RAMP1: variants seen among roughly 807,000 people sequenced by gnomAD.
RAMP1 encodes the protein receptor activity-modifying protein 1.
A neutral mutation model predicts 8.2 loss-of-function variants in RAMP1; 7 were observed. The observed-to-expected ratio is 0.85, with a 90% confidence interval of 0.49 to 1.60. RAMP1 has a LOEUF of 1.60. Ranked by LOEUF, RAMP1 falls within the 40% of genes most tolerant of loss-of-function variation. The pLI, the probability that RAMP1 is intolerant of heterozygous loss-of-function variation, is 0.00. For synonymous variants in RAMP1, 92 were observed against 84.7 expected (o/e 1.09, Z -0.47); for missense variants, 192 against 202.4 (o/e 0.95, Z 0.31).
At chr2:237,881,198 T>G (rs929468270) in intron 2 of RAMP1, among the ~76,000 whole-genome samples, 1 of 152,214 alleles carries the variant, frequency 6.6e-6, no homozygotes, top group Non-Finnish European at 1.5e-5. Context: ...TTTCTTCACT[T>G]AACAACATAA....
rs754345495 is a variant in RAMP1, at chr2:237,911,559, C to T, written c.223C>T (p.His75Tyr). 2.5e-6 allele frequency: 4 copies of T among 1,614,122 alleles called. No individual in the cohort carries two copies. The East Asian group carries it at 8.9e-5, about 36-fold the overall frequency. ...SYRELADCTWHMAEKLGCFWP... is the reference protein window; with the variant it reads ...SYRELADCTWYMAEKLGCFWP... Reference sequence around the variant, plus strand: ...CAGGGAGCTGGCCGACTGCACCTGGCACATGGCGGAGAAGCTGGGCTGCTT... The same window carrying T: ...CAGGGAGCTGGCCGACTGCACCTGGTACATGGCGGAGAAGCTGGGCTGCTT... Residue 75 changes from histidine to tyrosine, a missense_variant, in exon 3 of 3, where the codon CAC becomes TAC. Physicochemically the swap from His to Tyr is moderately conservative, Grantham distance 83. Coordinates refer to ENST00000254661, the MANE Select transcript of RAMP1 (RefSeq NM_005855.4).
At chr2:237,882,692 C>G (rs1294032041) in intron 2 of RAMP1, among the ~76,000 whole-genome samples, 1 of 152,202 alleles carries the variant, frequency 6.6e-6, no homozygotes, top group African/African-American at 2.4e-5. Flanking sequence ...CCAAGGGTCT[C>G]CAGTAGCAGC....
At chr2:237,891,440 G>A (rs1173464833) in intron 2 of RAMP1, among the ~76,000 whole-genome samples, 2 of 152,174 alleles carry the variant, frequency 1.3e-5, no homozygotes, top group Admixed American at 6.5e-5. Context: ...GTGAGCCACC[G>A]CGCCCAGCCC....
chr2:237,878,321 T>A lies in RAMP1; in HGVS notation c.191+959T>A, dbSNP rs1484200776. 6.6e-6 allele frequency among the ~76,000 whole-genome samples: 1 copy of A among 151,752 alleles called. No homozygotes were observed. The highest frequency in any genetic ancestry group is 1.9e-4 in the East Asian group (1 of 5,166). ...GGCAGGGAGGAGGGCCTCGGGAGGG[T>A]CTTCACGGAGGAAAGGTTGCACCAA... On this transcript the variant is annotated intron_variant, in intron 2 of 2. Transcript: ENST00000254661. This position sits in a 1 kb window ranked among gnomAD's most constrained non-coding sequence, Gnocchi z 5.7.
At chr2:237,901,630 A>G (rs2062597029) in intron 2 of RAMP1, among the ~76,000 whole-genome samples, 1 of 152,104 alleles carries the variant, frequency 6.6e-6, no homozygotes, top group South Asian at 2.1e-4. Context: ...CCCACACAGA[A>G]GCTTCTGAAT....
chr2:237,871,593 G>A (rs775121751), intron 1 of RAMP1, among the ~76,000 whole-genome samples: 17 of 151,990 alleles, frequency 1.1e-4, no homozygotes, highest in African/African-American at 1.9e-4. Context: ...TTCCTCCACC[G>A]CCCCCCGACC....
Position 237,877,107 on chromosome 2 carries a change from G to A in RAMP1, c.53-117G>A. ...TGGAGCCACAGTCGCCCTCTCCAGG[G>A]GTTGCTTAGAGGCCCCGTTCTCGTG... On this transcript the variant is annotated intron_variant, in intron 1 of 2. Coordinates refer to ENST00000254661, the MANE Select transcript of RAMP1 (RefSeq NM_005855.4). The surrounding 1 kb of genome is among the most constrained non-coding windows in gnomAD (Gnocchi z 4.4). 7.6e-7 allele frequency: 1 copy of A among 1,311,692 alleles called. No individual in the cohort carries two copies. The highest frequency in any genetic ancestry group is 1.7e-5 in the Admixed American group (1 of 57,384). The allele number at this position is 1,311,692 out of a possible 1,614,324, so 81.3% of individuals were successfully genotyped here. A position where few individuals can be genotyped will look rare whatever the true frequency, so the allele number is the denominator to read the frequency against.
chr2:237,865,221 G>A lies in RAMP1; in HGVS notation c.52+5494G>A, dbSNP rs568567351. On this transcript the variant is annotated intron_variant, in intron 1 of 2. Transcript: ENST00000254661. The surrounding 1 kb of genome is among the most constrained non-coding windows in gnomAD (Gnocchi z 4.2). ...GCTGAGGAATGAAGAACAGCACCTGGCAGAGCTCCTGGGGGAGTAGGGAGG... is the reference window on the plus strand; with the variant it reads ...GCTGAGGAATGAAGAACAGCACCTGACAGAGCTCCTGGGGGAGTAGGGAGG... 3.3e-5 allele frequency among the ~76,000 whole-genome samples: 5 copies of A among 150,946 alleles called. No individual in the cohort carries two copies. The highest frequency in any genetic ancestry group is 1.2e-4 in the African/African-American group (5 of 41,046).
In RAMP1 at chr2:237,877,239, T is replaced by C. The variant is rs1205514579; in HGVS notation, c.68T>C (p.Met23Thr). The stretch of plus-strand genomic sequence containing the variant: ...TCTATTTCAGCCCATCACCTCTTCA[T>C]GACCACTGCCTGCCAGGAGGCTAAC... ...LWLLLAHHLF[M>T]TTACQEANYG... The change falls in exon 2 of 3, where the codon ATG becomes ACG. Residue 23 changes from methionine (M) to threonine (T), a missense_variant. Coordinates refer to ENST00000254661, the MANE Select transcript of RAMP1 (RefSeq NM_005855.4). The surrounding 1 kb of genome is among the most constrained non-coding windows in gnomAD (Gnocchi z 4.4). 1.9e-6 allele frequency: 3 copies of C among 1,614,000 alleles called. No individual in the cohort carries two copies. The highest frequency in any genetic ancestry group is 2.7e-5 in the African/African-American group (2 of 75,052).
intron 1 of RAMP1, among the ~76,000 whole-genome samples, chr2:237,875,248 G>C (rs753186480): frequency 6.6e-6 from 1 of 152,128 alleles, no homozygotes; most frequent in Admixed American, 6.5e-5. Flanking sequence ...CCCCCAGGGT[G>C]GGGGGTGCAT....
intron 2 of RAMP1, among the ~76,000 whole-genome samples, chr2:237,886,206 A>G (rs1360332346): frequency 6.6e-6 from 1 of 152,130 alleles, no homozygotes; most frequent in African/African-American, 2.4e-5. Context: ...GGCCCTGCCC[A>G]GGCCGCCCCA....
At position 237,859,924 on chromosome 2, in the gene RAMP1, C is replaced by T. The variant is rs550109100; in HGVS notation, c.52+197C>T. Reference sequence around the variant, plus strand: ...CCCAGGGCACAGGGGAGGCGGAGGGCGCGGACCGGTGTTGCGCTTCTCGCC... The same window carrying T: ...CCCAGGGCACAGGGGAGGCGGAGGGTGCGGACCGGTGTTGCGCTTCTCGCC... On this transcript the variant is annotated intron_variant, in intron 1 of 2. Transcript: ENST00000254661. 1.5e-3 allele frequency: 729 copies of T among 492,062 alleles called. 9 individuals are homozygous for T. The highest frequency in any genetic ancestry group is 0.012 in the South Asian group (343 of 28,396). 30.5% of individuals were successfully genotyped at this position (492,062 alleles called of 1,614,324 possible). A position where few individuals can be genotyped will look rare whatever the true frequency, so the allele number is the denominator to read the frequency against.
At position 237,863,306 on chromosome 2, in the gene RAMP1, C is replaced by T. The variant is rs540418514; in HGVS notation, c.52+3579C>T. 1.6e-4 allele frequency among the ~76,000 whole-genome samples: 24 copies of T among 152,276 alleles called. No homozygotes were observed. In the East Asian group the frequency reaches 4.1e-3, roughly 26 times the overall value. On this transcript the variant is annotated intron_variant, in intron 1 of 2. Coordinates refer to ENST00000254661, the MANE Select transcript of RAMP1 (RefSeq NM_005855.4). ...TTGGTGGCAAATGAAGAGGCAGAGA[C>T]GGTGCTGCCAGGGCACTGTTCAGTT...
intron 2 of RAMP1, among the ~76,000 whole-genome samples, chr2:237,880,968 GACAACTGGCA>G (rs1263569597): frequency 6.6e-6 from 1 of 152,198 alleles, no homozygotes; most frequent in Admixed American, 6.5e-5. Context: ...GGTGTGTTCA[GACAACTGGCA>G]TTGTCCCTCC....
At chr2:237,893,375 C>G (rs148458662) in intron 2 of RAMP1, among the ~76,000 whole-genome samples, 90 of 152,300 alleles carry the variant, frequency 5.9e-4, no homozygotes, top group African/African-American at 2.0e-3. Flanking sequence ...CCTGCAGAAG[C>G]TTTGGTGTGC....
At chr2:237,868,336 G>A (rs1475160552) in intron 1 of RAMP1, among the ~76,000 whole-genome samples, 3 of 152,162 alleles carry the variant, frequency 2.0e-5, no homozygotes, top group African/African-American at 7.2e-5. Context: ...GAGCCACTGT[G>A]CCTGGCTGGG....
Position 237,878,404 on chromosome 2 carries a change from G to A in RAMP1, c.191+1042G>A, listed in dbSNP as rs772467088. On this transcript the variant is annotated intron_variant, in intron 2 of 2. Coordinates refer to ENST00000254661, the MANE Select transcript of RAMP1 (RefSeq NM_005855.4). This position sits in a 1 kb window ranked among gnomAD's most constrained non-coding sequence, Gnocchi z 5.7. ...GTCCCCTGAGGGTCCAGACACACCC[G>A]GGCACAATTCTGTGGGGTTGAAGAC... Among the ~76,000 whole-genome samples the A allele has an allele frequency of 2.0e-5, 3 of 152,234 alleles. No homozygotes were observed. Among genetic ancestry groups the A allele is most frequent in the Non-Finnish European group, 2.9e-5 (2 of 68,030 alleles).
chr2:237,895,434 C>T (rs764438716), intron 2 of RAMP1, among the ~76,000 whole-genome samples: 1 of 152,182 alleles, frequency 6.6e-6, no homozygotes, highest in South Asian at 2.1e-4. Context: ...AAAACCCCCA[C>T]AGTGAACACC....
intron 2 of RAMP1, among the ~76,000 whole-genome samples, chr2:237,889,829 G>C (rs1286965467): frequency 6.6e-6 from 1 of 152,136 alleles, no homozygotes; most frequent in African/African-American, 2.4e-5. Context: ...GTCTCCCTAT[G>C]TTACCCAGGC....
Sources: gnomAD v4.1 joint callset for allele counts (sites outside exome capture counted in the v4.1 genomes callset) on GRCh38, gnomAD v4.1.1 for gene constraint, Gnocchi (gnomAD v3.1) non-coding constraint, MANE v1.5 for transcripts, NCBI Gene and HGNC (gene_info 2026-07-23, HGNC 2026-07-21) for gene names.